Variants in PLEKHA3 observed in about 807,000 individuals in gnomAD.
PLEKHA3 encodes pleckstrin homology domain-containing family A member 3.
Under a neutral mutation model 39.2 loss-of-function variants are expected in PLEKHA3, and 19 were observed. The observed-to-expected ratio is 0.48, with a 90% confidence interval of 0.34 to 0.71. The LOEUF (loss-of-function observed/expected upper bound fraction) is 0.71, where lower values mean the gene tolerates loss of function less well. PLEKHA3 is among the 30% of genes least tolerant of loss of function. The pLI, the probability that PLEKHA3 is intolerant of heterozygous loss-of-function variation, is 0.01. For missense variants in PLEKHA3, 253 were observed against 359.5 expected (o/e 0.70, Z 2.40); for synonymous variants, 97 against 118.6 (o/e 0.82, Z 1.18).
At chr2:178,495,692 A>G (rs760759909) in intron 5 of PLEKHA3, 32 bp downstream of exon 5, 1 of 1,572,954 alleles carries the variant, frequency 6.4e-7, no homozygotes, top group Non-Finnish European at 8.6e-7. Context: ...TTTTTCCCTC[A>G]GTAGTAATGT....
At position 178,509,741 on chromosome 2, in the gene PLEKHA3, A is replaced by C. The variant is rs1335057533; in HGVS notation, c.*5854A>C. On this transcript the variant is annotated 3_prime_UTR_variant, in exon 8 of 8. Coordinates refer to ENST00000234453, the MANE Select transcript of PLEKHA3 (RefSeq NM_019091.4). ...GGATCTGCCTGCCTTGACTTTCCAAAATTCTCGGATTACAGGCATGAGCCA... is the reference window on the plus strand; with the variant it reads ...GGATCTGCCTGCCTTGACTTTCCAACATTCTCGGATTACAGGCATGAGCCA... 1 of 152,110 alleles carries C rather than the reference A, an allele frequency of 6.6e-6. No homozygotes were observed. Among genetic ancestry groups the C allele is most frequent in the East Asian group, 1.9e-4 (1 of 5,194 alleles). The allele number at this position is 152,110 out of a possible 1,614,324, so 9.4% of individuals were successfully genotyped here.
At position 178,507,999 on chromosome 2, in the gene PLEKHA3, A is replaced by G. The variant is rs895740408; in HGVS notation, c.*4112A>G. 2 of 152,274 alleles carry G rather than the reference A, an allele frequency of 1.3e-5. No individual in the cohort carries two copies. The highest frequency in any genetic ancestry group is 4.9e-5 in the African/African-American group (2 of 40,906). 9.4% of individuals were successfully genotyped at this position (152,274 alleles called of 1,614,324 possible). A position where few individuals can be genotyped will look rare whatever the true frequency, so the allele number is the denominator to read the frequency against. ...TCTTTATTCATTCATCTTGATGGCTACTTGACTTGGTGGAATCTTTCAATT... is the reference window on the plus strand; with the variant it reads ...TCTTTATTCATTCATCTTGATGGCTGCTTGACTTGGTGGAATCTTTCAATT... On this transcript the variant is annotated 3_prime_UTR_variant, in exon 8 of 8. Coordinates refer to ENST00000234453, the MANE Select transcript of PLEKHA3 (RefSeq NM_019091.4).
chr2:178,499,959 A>G (rs1184981622), intron 6 of PLEKHA3, among the ~76,000 whole-genome samples: 4 of 152,120 alleles, frequency 2.6e-5, no homozygotes, highest in Admixed American at 1.3e-4. Context: ...AGCATCATCT[A>G]TTCATGCTGA....
rs1371018707 is a variant in PLEKHA3, at chr2:178,514,679, T to C, written c.*10792T>C. ...GGAAAAAAAAAGTGCCAATATTCTT[T>C]TTTTTTTTTTCTCTAAGAAGTACTA... On this transcript the variant is annotated 3_prime_UTR_variant, in exon 8 of 8. Coordinates refer to ENST00000234453, the MANE Select transcript of PLEKHA3 (RefSeq NM_019091.4). 3 of 151,644 alleles carry C rather than the reference T, an allele frequency of 2.0e-5. No individual in the cohort carries two copies. The highest frequency in any genetic ancestry group is 1.3e-4 in the Admixed American group (2 of 15,208). The allele number at this position is 151,644 out of a possible 1,614,324, so 9.4% of individuals were successfully genotyped here. A position where few individuals can be genotyped will look rare whatever the true frequency, so the allele number is the denominator to read the frequency against.
At chr2:178,494,420 C>T (rs1685406536) in intron 4 of PLEKHA3, among the ~76,000 whole-genome samples, 1 of 152,148 alleles carries the variant, frequency 6.6e-6, no homozygotes, top group African/African-American at 2.4e-5. Context: ...ACTTAGGAAT[C>T]AAAACTCAGA....
chr2:178,511,195 G>A lies in PLEKHA3; in HGVS notation c.*7308G>A, dbSNP rs569887275. 6.6e-6 allele frequency: 1 copy of A among 152,278 alleles called. No individual in the cohort carries two copies. Among genetic ancestry groups the A allele is most frequent in the Admixed American group, 6.5e-5 (1 of 15,294 alleles). The allele number at this position is 152,278 out of a possible 1,614,324, so 9.4% of individuals were successfully genotyped here. A position where few individuals can be genotyped will look rare whatever the true frequency, so the allele number is the denominator to read the frequency against. ...GACATTTGTATTATCTTTCATTAAA[G>A]TAGAGTCCCATGGGCGTGGCAAATG... On this transcript the variant is annotated 3_prime_UTR_variant, in exon 8 of 8. Coordinates refer to ENST00000234453, the MANE Select transcript of PLEKHA3 (RefSeq NM_019091.4).
chr2:178,499,271 T>G lies in PLEKHA3; in HGVS notation c.659+17T>G. On this transcript the variant is annotated intron_variant, in intron 6 of 7. Coordinates refer to ENST00000234453, the MANE Select transcript of PLEKHA3 (RefSeq NM_019091.4). ...TTCAGAGAGGTAAAAGAACCTTTTC[T>G]TCTGACTAAGTTCTCTCAAATTATA... The G allele has an allele frequency of 6.2e-7, 1 of 1,610,772 alleles. No individual in the cohort carries two copies. The highest frequency in any genetic ancestry group is 8.5e-7 in the Non-Finnish European group (1 of 1,178,626).
intron 1 of PLEKHA3, among the ~76,000 whole-genome samples, chr2:178,483,237 C>T (rs1282312682): frequency 2.7e-5 from 4 of 150,080 alleles, no homozygotes; most frequent in Admixed American, 2.0e-4. Flanking sequence ...CAAACCTTGG[C>T]GACAGAGCGA....
chr2:178,480,982 T>C, intron 1 of PLEKHA3, 73 bp downstream of exon 1: 1 of 1,254,402 alleles, frequency 8.0e-7, no homozygotes. Flanking sequence ...GGGGCTCCTC[T>C]TCCTCCGTCT....
rs1330571383 is a variant in PLEKHA3, at chr2:178,511,049, G to A, written c.*7162G>A. The A allele has an allele frequency of 3.9e-5, 6 of 151,992 alleles. No individual in the cohort carries two copies. Among genetic ancestry groups the A allele is most frequent in the Admixed American group, 3.9e-4 (6 of 15,278 alleles). The allele number at this position is 151,992 out of a possible 1,614,324, so 9.4% of individuals were successfully genotyped here. Reference sequence around the variant, plus strand: ...ATTTTAAGTATCTTTTTTGTGTCTGGATTCAGAGAGGTATGATAATGAGAT... The same window carrying A: ...ATTTTAAGTATCTTTTTTGTGTCTGAATTCAGAGAGGTATGATAATGAGAT... On this transcript the variant is annotated 3_prime_UTR_variant, in exon 8 of 8. Transcript: ENST00000234453.
chr2:178,496,213 TG>T (rs1685443855), intron 5 of PLEKHA3, among the ~76,000 whole-genome samples: 2 of 152,318 alleles, frequency 1.3e-5, no homozygotes, highest in African/African-American at 4.8e-5. Flanking sequence ...TACTGTTAGG[TG>T]CTCAGTGTTA....
At chr2:178,500,021 G>C (rs899049643) in intron 6 of PLEKHA3, among the ~76,000 whole-genome samples, 1 of 152,030 alleles carries the variant, frequency 6.6e-6, no homozygotes, top group African/African-American at 2.4e-5. Context: ...AAAACCACTT[G>C]ATATTTTAAA....
At chr2:178,501,985 T>C (rs889182760) in intron 7 of PLEKHA3, among the ~76,000 whole-genome samples, 15 of 151,982 alleles carry the variant, frequency 9.9e-5, no homozygotes, top group African/African-American at 3.6e-4. Context: ...CTTGTGGAAA[T>C]GACATGATAA....
rs1453226313 is a variant in PLEKHA3 at position 178,505,294 on chromosome 2, A to G, written c.*1407A>G. The G allele has an allele frequency of 3.9e-5, 6 of 151,984 alleles. 1 individual carries two copies. Among genetic ancestry groups the G allele is most frequent in the Admixed American group, 3.9e-4 (6 of 15,252 alleles). 9.4% of individuals were successfully genotyped at this position (151,984 alleles called of 1,614,324 possible). A position where few individuals can be genotyped will look rare whatever the true frequency, so the allele number is the denominator to read the frequency against. ...TATTTTAAAATAATTAATATTTGGT[A>G]TTTGTTTAAAAAACTGTAATTATAG... On this transcript the variant is annotated 3_prime_UTR_variant, in exon 8 of 8. Coordinates refer to ENST00000234453, the MANE Select transcript of PLEKHA3 (RefSeq NM_019091.4).
At position 178,499,218 on chromosome 2, in the gene PLEKHA3, G is replaced by A. The variant is rs774544151; in HGVS notation, c.623G>A (p.Arg208His). Residue 208 changes from arginine to histidine, a missense_variant, in exon 6 of 8, where the codon CGT becomes CAT. Physicochemically the swap from Arg to His is conservative, Grantham distance 29 (BLOSUM62 0). Coordinates refer to ENST00000234453, the MANE Select transcript of PLEKHA3 (RefSeq NM_019091.4). ...VSPSPVQMMK[R>H]SVSHPGSCSS... is the part of the protein sequence containing the mutation. Reference sequence around the variant, plus strand: ...TTTTTCCAAAATTTCTAGATGAAGCGTTCTGTCAGCCACCCTGGTTCTTGC... The same window carrying A: ...TTTTTCCAAAATTTCTAGATGAAGCATTCTGTCAGCCACCCTGGTTCTTGC... 28 of 1,601,852 alleles carry A rather than the reference G, an allele frequency of 1.7e-5. No homozygotes were observed. Among genetic ancestry groups the A allele is most frequent in the Middle Eastern group, 1.7e-4 (1 of 6,026 alleles).
rs1215146782 is a variant in PLEKHA3, at chr2:178,511,157, T to G, written c.*7270T>G. On this transcript the variant is annotated 3_prime_UTR_variant, in exon 8 of 8. Transcript: ENST00000234453. ...AGCCGCATACTCGAAGGAGGGAGAT[T>G]TTTATTTGTAAGGACATTTGTATTA... 1 of 152,210 alleles carries G rather than the reference T, an allele frequency of 6.6e-6. No individual in the cohort carries two copies. The highest frequency in any genetic ancestry group is 1.5e-5 in the Non-Finnish European group (1 of 68,034). 9.4% of individuals were successfully genotyped at this position (152,210 alleles called of 1,614,324 possible). A position where few individuals can be genotyped will look rare whatever the true frequency, so the allele number is the denominator to read the frequency against.
At position 178,508,034 on chromosome 2, in the gene PLEKHA3, G is replaced by A. The variant is rs1215717352; in HGVS notation, c.*4147G>A. ...GTGGAATCTTTCAATTTAGAGATTT[G>A]TCTGCTTCAGTTCTGGGTGTGTGTG... On this transcript the variant is annotated 3_prime_UTR_variant, in exon 8 of 8. Transcript: ENST00000234453. The A allele has an allele frequency of 6.8e-6, 1 of 146,814 alleles. No individual in the cohort carries two copies. Among genetic ancestry groups the A allele is most frequent in the Non-Finnish European group, 1.5e-5 (1 of 66,724 alleles). The allele number at this position is 146,814 out of a possible 1,614,324, so 9.1% of individuals were successfully genotyped here.
chr2:178,481,779 T>G (rs983874075), intron 1 of PLEKHA3: 1 of 148,432 alleles, frequency 6.7e-6, no homozygotes, highest in Non-Finnish European at 1.5e-5. Flanking sequence ...AACTCCAGAA[T>G]TCCATGACCT....
chr2:178,516,122 G>A lies in PLEKHA3; in HGVS notation c.*12235G>A, dbSNP rs1306562067. On this transcript the variant is annotated 3_prime_UTR_variant, in exon 8 of 8. Transcript: ENST00000234453. ...AAATGATTCTTGCAAAAGTAGTTATGGGTATTTAAGTGAAAAATTTGTAAG... is the reference window on the plus strand; with the variant it reads ...AAATGATTCTTGCAAAAGTAGTTATAGGTATTTAAGTGAAAAATTTGTAAG... 2 of 151,344 alleles carry A rather than the reference G, an allele frequency of 1.3e-5. No individual in the cohort carries two copies. Among genetic ancestry groups the A allele is most frequent in the Non-Finnish European group, 2.9e-5 (2 of 67,814 alleles). 9.4% of individuals were successfully genotyped at this position (151,344 alleles called of 1,614,324 possible).
Sources: gnomAD v4.1 joint callset for allele counts (sites outside exome capture counted in the v4.1 genomes callset) on GRCh38, gnomAD v4.1.1 for gene constraint, MANE v1.5 for transcripts, NCBI Gene and HGNC (gene_info 2026-07-23, HGNC 2026-07-21) for gene names.